CNTNAP2: variants seen among roughly 807,000 people sequenced by gnomAD.
The protein encoded by CNTNAP2 is contactin associated protein 2.
Under a neutral mutation model 155.2 loss-of-function variants are expected in CNTNAP2, and 98 were observed. That is an observed-to-expected ratio of 0.63 (90% confidence interval 0.54 to 0.75). CNTNAP2 has a LOEUF of 0.75. Ranked by LOEUF, CNTNAP2 falls within the 30% of genes least tolerant of loss-of-function variation. The pLI is 0.00. For synonymous variants in CNTNAP2, 651 were observed against 631.2 expected (o/e 1.03, Z -0.47); for missense variants, 1,727 against 1,688.1 (o/e 1.02, Z -0.40).
intron 21 of CNTNAP2, among the ~76,000 whole-genome samples, chr7:148,349,445 G>A (rs55831795): frequency 0.03 from 4,060 of 136,420 alleles, 87 homozygotes; most frequent in Non-Finnish European, 0.042. Flanking sequence ...TCTGTCGCCC[G>A]GGCTGGAGTG....
At chr7:147,153,033 A>G (rs1335716532) in intron 8 of CNTNAP2, among the ~76,000 whole-genome samples, 2 of 152,032 alleles carry the variant, frequency 1.3e-5, no homozygotes, top group Admixed American at 6.6e-5. Flanking sequence ...CAGCTGGGTG[A>G]GGGAGGAAAG....
intron 1 of CNTNAP2, among the ~76,000 whole-genome samples, chr7:146,139,889 G>A (rs1797853531): frequency 6.6e-6 from 1 of 151,940 alleles, no homozygotes; most frequent in Admixed American, 6.6e-5. Context: ...CAATTTGGGG[G>A]GTATTTAACA....
intron 12 of CNTNAP2, among the ~76,000 whole-genome samples, chr7:147,569,279 CA>C (rs1233799739): frequency 6.6e-6 from 1 of 152,268 alleles, no homozygotes; most frequent in African/African-American, 2.4e-5. Context: ...TTTACAAGTA[CA>C]GTGTGGGCAG....
intron 12 of CNTNAP2, among the ~76,000 whole-genome samples, chr7:147,586,082 A>G (rs1311728167): frequency 6.6e-6 from 1 of 152,156 alleles, no homozygotes; most frequent in Non-Finnish European, 1.5e-5. Flanking sequence ...CTTCCAGGTT[A>G]TAGGTAAATT....
chr7:146,886,737 A>C (rs1795671415), intron 3 of CNTNAP2, among the ~76,000 whole-genome samples: 1 of 150,970 alleles, frequency 6.6e-6, no homozygotes, highest in South Asian at 2.1e-4. Flanking sequence ...CCTCAGTACC[A>C]AAATTGTACA....
chr7:146,420,749 G>C (rs1351969651), intron 1 of CNTNAP2, among the ~76,000 whole-genome samples: 4 of 152,010 alleles, frequency 2.6e-5, no homozygotes, highest in Admixed American at 2.6e-4. Flanking sequence ...ATGTATTCAT[G>C]ATATTACAAT....
At chr7:148,410,552 T>C (rs1799812271) in intron 23 of CNTNAP2, among the ~76,000 whole-genome samples, 1 of 121,230 alleles carries the variant, frequency 8.2e-6, no homozygotes, top group South Asian at 2.8e-4. Flanking sequence ...AGGTGACAGA[T>C]TGAGACCTTT....
At position 146,116,842 on chromosome 7, in the gene CNTNAP2, G is replaced by T. The variant is rs191830389; in HGVS notation, c.-35G>T. On this transcript the variant is annotated 5_prime_UTR_variant, in exon 1 of 24. Transcript: ENST00000361727. This position sits in a 1 kb window ranked among gnomAD's most constrained non-coding sequence, Gnocchi z 5.5. ...GAGAGTCGGACTGCATCTCCGCAGC[G>T]AGCTCTTGGAGCGCCGCCGGCCGGG... 15 of 1,515,220 alleles carry T rather than the reference G, an allele frequency of 9.9e-6. 1 individual carries two copies. In the Admixed American group the frequency reaches 3.0e-4, roughly 30 times the overall value. 93.9% of individuals were successfully genotyped at this position (1,515,220 alleles called of 1,614,324 possible).
intron 22 of CNTNAP2, among the ~76,000 whole-genome samples, chr7:148,393,216 A>G (rs1799392465): frequency 6.6e-6 from 1 of 152,156 alleles, no homozygotes; most frequent in Non-Finnish European, 1.5e-5. Flanking sequence ...CTGCTCTTAT[A>G]ATTACATCTG....
intron 4 of CNTNAP2, among the ~76,000 whole-genome samples, chr7:147,057,862 CA>C (rs1649731556): frequency 6.6e-6 from 1 of 152,114 alleles, no homozygotes. Context: ...CTGAGATTTC[CA>C]TAGACTTCAT....
intron 3 of CNTNAP2, among the ~76,000 whole-genome samples, chr7:146,880,339 G>T (rs187043958): frequency 9.9e-5 from 15 of 151,694 alleles, no homozygotes; most frequent in African/African-American, 3.4e-4. Flanking sequence ...TCTGCCATTC[G>T]AAGAACACCA....
Position 146,136,738 on chromosome 7 carries a change from G to T in CNTNAP2, c.97+19765G>T, listed in dbSNP as rs138618881. ...ACTAGTTCTGTAAACGCGGAAGCAG[G>T]TGGTGGCAGTTAAGTGACTCACACT... On this transcript the variant is annotated intron_variant, in intron 1 of 23. Transcript: ENST00000361727. Among the ~76,000 whole-genome samples, 43 of 152,228 alleles carry T rather than the reference G, an allele frequency of 2.8e-4. No homozygotes were observed. The East Asian group carries it at 7.7e-3, about 27-fold the overall frequency.
At chr7:148,055,296 C>A (rs1334894791) in intron 15 of CNTNAP2, among the ~76,000 whole-genome samples, 1 of 152,168 alleles carries the variant, frequency 6.6e-6, no homozygotes, top group African/African-American at 2.4e-5. Flanking sequence ...CTGATGGTAA[C>A]TGATCACTAA....
rs562454041 is a variant in CNTNAP2 at position 147,353,401 on chromosome 7, GT to G, written c.1499-42204del. ...TTATGAGTGAGAACATGTGGTGTTG[GT>G]TTTCTGTTCCTGTGTTAGTTTGCTG... On this transcript the variant is annotated intron_variant, in intron 9 of 23. Coordinates refer to ENST00000361727, the MANE Select transcript of CNTNAP2 (RefSeq NM_014141.6). Among the ~76,000 whole-genome samples, 14 of 151,996 alleles carry G rather than the reference GT, an allele frequency of 9.2e-5. No homozygotes were observed. The South Asian group carries it at 2.9e-3, about 32-fold the overall frequency.
chr7:148,124,771 G>A (rs2116619252), intron 16 of CNTNAP2, among the ~76,000 whole-genome samples: 1 of 152,278 alleles, frequency 6.6e-6, no homozygotes, highest in East Asian at 1.9e-4. Flanking sequence ...CAGATATGGT[G>A]CATTTAATCG....
intron 13 of CNTNAP2, among the ~76,000 whole-genome samples, chr7:147,738,245 G>C (rs1037276142): frequency 6.6e-6 from 1 of 152,158 alleles, no homozygotes; most frequent in East Asian, 1.9e-4. Flanking sequence ...AACGGATTAA[G>C]AATATTACAT....
chr7:148,004,851 C>A (rs1018735243), intron 15 of CNTNAP2, among the ~76,000 whole-genome samples: 1 of 152,104 alleles, frequency 6.6e-6, no homozygotes, highest in Non-Finnish European at 1.5e-5. Context: ...ACAACCTGTT[C>A]CAGGAAAGAA....
chr7:146,788,013 C>A (rs542191719), intron 2 of CNTNAP2, among the ~76,000 whole-genome samples: 1 of 152,202 alleles, frequency 6.6e-6, no homozygotes, highest in African/African-American at 2.4e-5. Context: ...TTTAACTAGA[C>A]GGAAAAGTTC....
At chr7:147,155,827 G>A (rs1334879987) in intron 8 of CNTNAP2, among the ~76,000 whole-genome samples, 1 of 152,074 alleles carries the variant, frequency 6.6e-6, no homozygotes, top group African/African-American at 2.4e-5. Flanking sequence ...ATGTTGCCCA[G>A]CTTGTGCTAA....
Sources: gnomAD v4.1 joint callset for allele counts (sites outside exome capture counted in the v4.1 genomes callset) on GRCh38, gnomAD v4.1.1 for gene constraint, Gnocchi (gnomAD v3.1) non-coding constraint, MANE v1.5 for transcripts, NCBI Gene and HGNC (gene_info 2026-07-23, HGNC 2026-07-21) for gene names.